The following PCED1B variants were observed in gnomAD, a reference collection of about 807,000 sequenced individuals.
PCED1B encodes the protein PC-esterase domain containing 1B.
For missense variants in PCED1B, 573 were observed against 573.9 expected (o/e 1.00, Z 0.02); for synonymous variants, 251 against 246.1 (o/e 1.02, Z -0.19).
At chr12:47,146,701 T>C (rs1239721228) in intron 2 of PCED1B, among the ~76,000 whole-genome samples, 2 of 152,194 alleles carry the variant, frequency 1.3e-5, no homozygotes, top group Admixed American at 1.3e-4. Flanking sequence ...TACAATGATA[T>C]TGCACACTTA....
chr12:47,176,857 G>GA (rs559412016), intron 2 of PCED1B, among the ~76,000 whole-genome samples: 50 of 143,548 alleles, frequency 3.5e-4, no homozygotes, highest in East Asian at 4.1e-4. Context: ...AGTGTGGGGA[G>GA]AAAAAAAAAA....
intron 2 of PCED1B, among the ~76,000 whole-genome samples, chr12:47,173,843 G>C (rs1316019155): frequency 6.6e-6 from 1 of 152,140 alleles, no homozygotes; most frequent in Non-Finnish European, 1.5e-5. Flanking sequence ...TATTTCTCAG[G>C]TGTTTCATAT....
Position 47,113,956 on chromosome 12 carries a change from GA to G in PCED1B, c.-526+9771del, listed in dbSNP as rs533127832. Among the ~76,000 whole-genome samples the G allele has an allele frequency of 4.9e-3, 672 of 137,940 alleles. 5 individuals carry two copies. Among genetic ancestry groups the G allele is most frequent in the African/African-American group, 0.014 (552 of 38,948 alleles). 90.5% of individuals were successfully genotyped at this position (137,940 alleles called of 152,430 possible). On this transcript the variant is annotated intron_variant, in intron 2 of 3. Transcript: ENST00000546455. ...ACAGAGCATGACTCCATCTAAAAAA[GA>G]AAAAAAAAACACACACACACACACA...
intron 3 of PCED1B, among the ~76,000 whole-genome samples, chr12:47,225,920 CA>C (rs1201406618): frequency 6.6e-6 from 1 of 151,954 alleles, no homozygotes; most frequent in Non-Finnish European, 1.5e-5. Flanking sequence ...ATAATTATTA[CA>C]AAACATTAAT....
intron 1 of PCED1B, among the ~76,000 whole-genome samples, chr12:47,089,931 C>T (rs768381223): frequency 2.0e-5 from 3 of 152,070 alleles, no homozygotes; most frequent in Non-Finnish European, 4.4e-5. Flanking sequence ...ACACACCATG[C>T]CCAGCTGATT....
chr12:47,102,319 A>G (rs1938743032), intron 1 of PCED1B, among the ~76,000 whole-genome samples: 1 of 152,216 alleles, frequency 6.6e-6, no homozygotes, highest in Admixed American at 6.5e-5. Context: ...AAAAATGTAG[A>G]CATATTGTCA....
intron 2 of PCED1B, among the ~76,000 whole-genome samples, chr12:47,182,156 T>C (rs748784420): frequency 3.3e-5 from 5 of 152,218 alleles, no homozygotes; most frequent in Non-Finnish European, 5.9e-5. Flanking sequence ...ACTGAAAGCC[T>C]GGGAGATCCT....
At chr12:47,094,499 T>C (rs1938395282) in intron 1 of PCED1B, among the ~76,000 whole-genome samples, 1 of 152,124 alleles carries the variant, frequency 6.6e-6, no homozygotes, top group Non-Finnish European at 1.5e-5. Flanking sequence ...TCATTTTATG[T>C]TCTTTTTTTC....
At chr12:47,135,618 A>C (rs562010139) in intron 2 of PCED1B, 1 of 500,922 alleles carries the variant, frequency 2.0e-6, no homozygotes, top group African/African-American at 2.0e-5. Context: ...TCAGGTCACC[A>C]ACCATCTTCC....
intron 3 of PCED1B, among the ~76,000 whole-genome samples, chr12:47,234,161 A>T (rs974119693): frequency 2.6e-5 from 4 of 151,790 alleles, no homozygotes; most frequent in African/African-American, 9.7e-5. Context: ...GCTAATTTTG[A>T]ATTTTTAGTA....
intron 2 of PCED1B, among the ~76,000 whole-genome samples, chr12:47,119,660 A>G (rs1332125045): frequency 6.6e-6 from 1 of 151,956 alleles, no homozygotes; most frequent in Non-Finnish European, 1.5e-5. Context: ...TGTCCAGAAT[A>G]TATATGAACT....
At chr12:47,089,458 ATACATAT>A (rs1449376651) in intron 1 of PCED1B, among the ~76,000 whole-genome samples, 23 of 46,802 alleles carry the variant, frequency 4.9e-4, no homozygotes, top group South Asian at 7.4e-4. Flanking sequence ...AAAAAAAAAA[ATACATAT>A]ATATATATAT....
intron 3 of PCED1B, among the ~76,000 whole-genome samples, chr12:47,232,912 TA>T (rs1203485907): frequency 4.6e-4 from 68 of 147,172 alleles, no homozygotes; most frequent in African/African-American, 9.3e-4. Context: ...AAATTTTATT[TA>T]TTTATTTATT....
chr12:47,116,920 A>G (rs960268511), intron 2 of PCED1B, among the ~76,000 whole-genome samples: 3 of 152,204 alleles, frequency 2.0e-5, no homozygotes, highest in African/African-American at 4.8e-5. Context: ...TATATTCACA[A>G]ATAGGTACAG....
chr12:47,175,501 A>G (rs1318718984), intron 2 of PCED1B, among the ~76,000 whole-genome samples: 1 of 152,184 alleles, frequency 6.6e-6, no homozygotes, highest in South Asian at 2.1e-4. Flanking sequence ...AATTTCTAGT[A>G]TACAGAAATC....
At chr12:47,088,537 A>T (rs888882572) in intron 1 of PCED1B, among the ~76,000 whole-genome samples, 5 of 152,206 alleles carry the variant, frequency 3.3e-5, no homozygotes, top group African/African-American at 9.6e-5. Flanking sequence ...ATCTCAAAAC[A>T]CACTGGAGAG....
chr12:47,157,108 A>G (rs902796066), intron 2 of PCED1B, among the ~76,000 whole-genome samples: 3 of 152,170 alleles, frequency 2.0e-5, no homozygotes, highest in Non-Finnish European at 2.9e-5. Flanking sequence ...GTACACAGAG[A>G]GCATTTCCTC....
chr12:47,233,907 A>AT (rs527603540), intron 3 of PCED1B, among the ~76,000 whole-genome samples: 10 of 152,064 alleles, frequency 6.6e-5, no homozygotes, highest in Non-Finnish European at 1.5e-4. Context: ...TTTTATCTTG[A>AT]TTTTTTTCAG....
In PCED1B at chr12:47,111,647, C is replaced by A. The variant is rs570687249; in HGVS notation, c.-526+7452C>A. ...TTCTACTTTCTGCCTGTGAGTTTGT[C>A]TCCTGTAGATACCCCTTTTAAGTGG... On this transcript the variant is annotated intron_variant, in intron 2 of 3. Transcript: ENST00000546455. 1.2e-4 allele frequency among the ~76,000 whole-genome samples: 19 copies of A among 152,216 alleles called. No homozygotes were observed. The South Asian group carries it at 3.5e-3, about 28-fold the overall frequency.
Sources: gnomAD v4.1 joint callset for allele counts (sites outside exome capture counted in the v4.1 genomes callset) on GRCh38, gnomAD v4.1.1 for gene constraint, MANE v1.5 for transcripts, NCBI Gene and HGNC (gene_info 2026-07-23, HGNC 2026-07-21) for gene names.